Variants in PSMA8 observed in about 807,000 individuals in gnomAD.
PSMA8 encodes the protein proteasome subunit alpha-type 8.
A neutral mutation model predicts 32.4 loss-of-function variants in PSMA8; 18 were observed. The ratio of observed to expected loss-of-function variants is 0.56; its 90% CI spans 0.38 to 0.82. The LOEUF (loss-of-function observed/expected upper bound fraction) is 0.82. Ranked by LOEUF, PSMA8 falls within the 40% of genes least tolerant of loss-of-function variation. The probability of loss-of-function intolerance (pLI) is 0.00; values close to 1 mark genes in which losing one functional copy is unlikely to be tolerated. For missense variants in PSMA8, 298 were observed against 300.7 expected (o/e 0.99, Z 0.07); for synonymous variants, 104 against 98.1 (o/e 1.06, Z -0.36).
chr18:26,166,817 A>G (rs1288243425), intron 4 of PSMA8, among the ~76,000 whole-genome samples: 2 of 152,216 alleles, frequency 1.3e-5, no homozygotes, highest in South Asian at 2.1e-4. Flanking sequence ...ATTTGTTGCC[A>G]GTGATAAAAT....
intron 6 of PSMA8, among the ~76,000 whole-genome samples, chr18:26,191,726 A>T (rs2055404678): frequency 6.6e-6 from 1 of 152,108 alleles, no homozygotes; most frequent in Admixed American, 6.5e-5. Context: ...AAGTGCTGGG[A>T]TTACAGGCCT....
intron 4 of PSMA8, among the ~76,000 whole-genome samples, chr18:26,176,461 A>G (rs2055264349): frequency 6.6e-6 from 1 of 152,240 alleles, no homozygotes; most frequent in Non-Finnish European, 1.5e-5. Flanking sequence ...TTAATTTAGA[A>G]GTTTCAACAG....
chr18:26,166,438 C>T (rs952800667), intron 4 of PSMA8, among the ~76,000 whole-genome samples: 5 of 152,124 alleles, frequency 3.3e-5, no homozygotes, highest in African/African-American at 9.7e-5. Flanking sequence ...TCTTTACCAC[C>T]ATACATTTGC....
chr18:26,146,259 T>C (rs916286625), intron 2 of PSMA8, among the ~76,000 whole-genome samples: 1 of 151,710 alleles, frequency 6.6e-6, no homozygotes, highest in Non-Finnish European at 1.5e-5. Flanking sequence ...CCACACATGA[T>C]GGTGCACATC....
intron 4 of PSMA8, among the ~76,000 whole-genome samples, chr18:26,161,442 A>G (rs962195188): frequency 6.6e-6 from 1 of 152,226 alleles, no homozygotes; most frequent in African/African-American, 2.4e-5. Context: ...TAGAATTACT[A>G]TCAGGCTGGC....
At chr18:26,138,945 G>A (rs1051063187) in intron 1 of PSMA8, among the ~76,000 whole-genome samples, 30 of 152,166 alleles carry the variant, frequency 2.0e-4, no homozygotes, top group African/African-American at 7.0e-4. Context: ...AGTTTTGGGG[G>A]AAGATAACTG....
intron 6 of PSMA8, among the ~76,000 whole-genome samples, chr18:26,188,481 T>A (rs28822191): frequency 6.6e-6 from 1 of 150,690 alleles, no homozygotes; most frequent in Non-Finnish European, 1.5e-5. Flanking sequence ...CACAGAAATA[T>A]AAAAAAAAAT....
At position 26,149,785 on chromosome 18, in the gene PSMA8, A is replaced by G. The variant is rs1482037089; in HGVS notation, c.230-2073A>G. Among the ~76,000 whole-genome samples the G allele has an allele frequency of 2.6e-5, 4 of 152,348 alleles. No individual in the cohort carries two copies. In the East Asian group the frequency reaches 5.8e-4, roughly 22 times the overall value. The stretch of plus-strand genomic sequence containing the variant: ...AACATCACATACAAAAATTAACTCA[A>G]AATGAATGAAAGACCTAAACATAAG... On this transcript the variant is annotated intron_variant, in intron 2 of 6. Coordinates refer to ENST00000415576, the MANE Select transcript of PSMA8 (RefSeq NM_001025096.2).
chr18:26,145,829 C>T (rs1301589193), intron 2 of PSMA8, among the ~76,000 whole-genome samples: 2 of 152,046 alleles, frequency 1.3e-5, no homozygotes. Context: ...TATTTGTTTA[C>T]AGATTTTTGA....
chr18:26,169,055 C>G (rs1369353963), intron 4 of PSMA8, among the ~76,000 whole-genome samples: 1 of 131,634 alleles, frequency 7.6e-6, no homozygotes, highest in Non-Finnish European at 1.5e-5. Context: ...AATCACGACT[C>G]ACTGCAGCCT....
chr18:26,182,918 C>A (rs1364206473), intron 6 of PSMA8, among the ~76,000 whole-genome samples: 1 of 151,706 alleles, frequency 6.6e-6, no homozygotes, highest in Non-Finnish European at 1.5e-5. Context: ...ATGGTGAAAC[C>A]CCGTCTCTAC....
chr18:26,187,421 T>A lies in PSMA8; in HGVS notation c.661-4898T>A, dbSNP rs747827502. Reference sequence around the variant, plus strand: ...GGGGAGACTGAGGCAGGAGGATAAGTTCTTACTTATCAATAATAACATTGA... The same window carrying A: ...GGGGAGACTGAGGCAGGAGGATAAGATCTTACTTATCAATAATAACATTGA... On this transcript the variant is annotated intron_variant, in intron 6 of 6. Transcript: ENST00000415576. Among the ~76,000 whole-genome samples, 67 of 152,062 alleles carry A rather than the reference T, an allele frequency of 4.4e-4. 1 individual carries two copies. The highest frequency in any genetic ancestry group is 8.5e-4 in the Non-Finnish European group (58 of 68,008).
At chr18:26,147,628 T>C (rs1358379139) in intron 2 of PSMA8, among the ~76,000 whole-genome samples, 1 of 152,232 alleles carries the variant, frequency 6.6e-6, no homozygotes, top group Non-Finnish European at 1.5e-5. Context: ...TTGTATATCA[T>C]ATTGTTTGTT....
intron 4 of PSMA8, among the ~76,000 whole-genome samples, chr18:26,171,486 C>A (rs2055220978): frequency 6.6e-6 from 1 of 152,206 alleles, no homozygotes; most frequent in African/African-American, 2.4e-5. Context: ...GTAATCCCAG[C>A]ACTTTGGGAG....
intron 1 of PSMA8, among the ~76,000 whole-genome samples, chr18:26,134,326 AGGGTGTGTGTGT>A (rs2054890946): frequency 2.0e-5 from 3 of 150,204 alleles, no homozygotes; most frequent in African/African-American, 7.4e-5. Context: ...ACGCAAAACT[AGGGTGTGTGTGT>A]GGGTGTGTGT....
At chr18:26,192,072 G>A (rs192854473) in intron 6 of PSMA8, among the ~76,000 whole-genome samples, 11 of 152,218 alleles carry the variant, frequency 7.2e-5, no homozygotes, top group East Asian at 3.9e-4. Flanking sequence ...GATATATAAC[G>A]CAATATCACC....
At chr18:26,149,385 G>A (rs2055027864) in intron 2 of PSMA8, among the ~76,000 whole-genome samples, 1 of 152,066 alleles carries the variant, frequency 6.6e-6, no homozygotes, top group Non-Finnish European at 1.5e-5. Flanking sequence ...ATTATCCAAA[G>A]CAATTTAGAT....
chr18:26,151,159 G>T (rs2055042409), intron 2 of PSMA8, among the ~76,000 whole-genome samples: 1 of 152,182 alleles, frequency 6.6e-6, no homozygotes, highest in African/African-American at 2.4e-5. Context: ...AGGGAAACAA[G>T]AATTTGTGAC....
chr18:26,166,532 T>C (rs190115498), intron 4 of PSMA8, among the ~76,000 whole-genome samples: 1 of 152,346 alleles, frequency 6.6e-6, no homozygotes, highest in East Asian at 1.9e-4. Flanking sequence ...AAATCTTGAC[T>C]CAGGTATACA....
Sources: gnomAD v4.1 joint callset for allele counts (sites outside exome capture counted in the v4.1 genomes callset) on GRCh38, gnomAD v4.1.1 for gene constraint, MANE v1.5 for transcripts, NCBI Gene and HGNC (gene_info 2026-07-23, HGNC 2026-07-21) for gene names.